TEAD1: variants seen among roughly 807,000 people sequenced by gnomAD.
TEAD1 encodes the protein TEA domain transcription factor 1.
A neutral mutation model predicts 54.9 loss-of-function variants in TEAD1; 9 were observed. The ratio of observed to expected loss-of-function variants is 0.16; its 90% CI spans 0.10 to 0.29. The LOEUF (loss-of-function observed/expected upper bound fraction) is 0.29, where lower values mean the gene tolerates loss of function less well. Ranked by LOEUF, TEAD1 falls within the 10% of genes least tolerant of loss-of-function variation. The probability of loss-of-function intolerance (pLI) is 1.00; values close to 1 mark genes in which losing one functional copy is unlikely to be tolerated. For missense variants in TEAD1, 387 were observed against 535.9 expected (o/e 0.72, Z 2.74); for synonymous variants, 200 against 187.8 (o/e 1.07, Z -0.53).
intron 3 of TEAD1, among the ~76,000 whole-genome samples, chr11:12,814,189 A>G (rs1299934776): frequency 6.6e-6 from 1 of 152,138 alleles, no homozygotes; most frequent in Non-Finnish European, 1.5e-5. Flanking sequence ...TCTCTCTGGA[A>G]GGAGGATGTC....
At chr11:12,683,724 A>C (rs1943273363) in intron 2 of TEAD1, among the ~76,000 whole-genome samples, 1 of 152,188 alleles carries the variant, frequency 6.6e-6, no homozygotes. Flanking sequence ...GTAATGGGCT[A>C]CTACAGATTT....
intron 10 of TEAD1, chr11:12,922,960 G>A (rs2955252): frequency 9.8e-5 from 14 of 142,542 alleles, no homozygotes; most frequent in East Asian, 8.2e-4. Context: ...GTGCCAAACC[G>A]CACAAAATAT....
intron 9 of TEAD1, among the ~76,000 whole-genome samples, chr11:12,898,491 T>C (rs1948358508): frequency 6.6e-6 from 1 of 151,094 alleles, no homozygotes; most frequent in South Asian, 2.1e-4. Context: ...GTCTCCTGGG[T>C]TCAAGCAATT....
At chr11:12,792,931 C>T (rs1030353316) in intron 3 of TEAD1, among the ~76,000 whole-genome samples, 3 of 152,152 alleles carry the variant, frequency 2.0e-5, no homozygotes, top group African/African-American at 7.2e-5. Context: ...TGGCTCATGA[C>T]TGTAGTCAGC....
chr11:12,835,355 TG>T (rs1186955527), intron 3 of TEAD1, among the ~76,000 whole-genome samples: 1 of 152,152 alleles, frequency 6.6e-6, no homozygotes, highest in Non-Finnish European at 1.5e-5. Context: ...GTTGGTTGGT[TG>T]GTTTGAGAAG....
intron 2 of TEAD1, among the ~76,000 whole-genome samples, chr11:12,727,885 T>C (rs944832304): frequency 1.3e-5 from 2 of 152,198 alleles, no homozygotes; most frequent in African/African-American, 4.8e-5. Context: ...CAACAAGGAA[T>C]ATCCATATCT....
intron 12 of TEAD1, among the ~76,000 whole-genome samples, chr11:12,935,040 G>T (rs1177946396): frequency 6.6e-6 from 1 of 152,132 alleles, no homozygotes; most frequent in African/African-American, 2.4e-5. Flanking sequence ...GGTACCAGGG[G>T]CTGGGGTGCT....
chr11:12,735,104 G>C (rs748001281), intron 2 of TEAD1, among the ~76,000 whole-genome samples: 5 of 152,308 alleles, frequency 3.3e-5, no homozygotes, highest in Middle Eastern at 3.4e-3. Flanking sequence ...ATCTGGGGCC[G>C]TCCAGAAAAG....
intron 3 of TEAD1, among the ~76,000 whole-genome samples, chr11:12,854,321 T>C (rs570113418): frequency 2.4e-4 from 36 of 152,318 alleles, no homozygotes; most frequent in Admixed American, 1.1e-3. Flanking sequence ...GAGGACCTGC[T>C]GTGTTCTCAG....
At chr11:12,693,495 A>G (rs994346800) in intron 2 of TEAD1, among the ~76,000 whole-genome samples, 5 of 152,188 alleles carry the variant, frequency 3.3e-5, no homozygotes, top group Non-Finnish European at 7.3e-5. Flanking sequence ...TGCTAAATCT[A>G]TTTTTACATC....
At chr11:12,910,349 C>T (rs527293056) in intron 10 of TEAD1, among the ~76,000 whole-genome samples, 1 of 152,244 alleles carries the variant, frequency 6.6e-6, no homozygotes, top group East Asian at 1.9e-4. Context: ...TATTTCCTGT[C>T]CTAATAATGT....
intron 3 of TEAD1, among the ~76,000 whole-genome samples, chr11:12,830,130 C>T (rs1590192316): frequency 6.6e-6 from 1 of 152,040 alleles, no homozygotes. Flanking sequence ...AGGAGCTTAG[C>T]CTTGCTAAGA....
intron 2 of TEAD1, among the ~76,000 whole-genome samples, chr11:12,709,401 T>C (rs752581753): frequency 1.3e-5 from 2 of 152,190 alleles, no homozygotes; most frequent in African/African-American, 4.8e-5. Flanking sequence ...TTGTTTCTTT[T>C]TTTGAATTTT....
rs1171939489 is a variant in TEAD1 at position 12,943,614 on chromosome 11, G to A, written c.*6392G>A. 1 of 152,036 alleles carries A rather than the reference G, an allele frequency of 6.6e-6. No homozygotes were observed. The highest frequency in any genetic ancestry group is 1.5e-5 in the Non-Finnish European group (1 of 68,010). The allele number at this position is 152,036 out of a possible 1,614,324, so 9.4% of individuals were successfully genotyped here. A position where few individuals can be genotyped will look rare whatever the true frequency, so the allele number is the denominator to read the frequency against. On this transcript the variant is annotated 3_prime_UTR_variant, in exon 13 of 13. Transcript: ENST00000527636. ...TTTCCTCTCGTTTATCATGAAATGG[G>A]GTCAGATTCCATCAGATTCCACCTC...
At chr11:12,762,467 T>C (rs1945121290) in intron 2 of TEAD1, among the ~76,000 whole-genome samples, 1 of 152,202 alleles carries the variant, frequency 6.6e-6, no homozygotes, top group African/African-American at 2.4e-5. Context: ...CAAAATGCTT[T>C]CTTGTGGCGT....
chr11:12,695,710 C>T (rs1943566348), intron 2 of TEAD1, among the ~76,000 whole-genome samples: 1 of 152,178 alleles, frequency 6.6e-6, no homozygotes, highest in African/African-American at 2.4e-5. Flanking sequence ...TTATGAAAAA[C>T]CCAGTGGCTT....
chr11:12,879,436 A>T (rs1214949300), intron 5 of TEAD1: 1 of 603,036 alleles, frequency 1.7e-6, no homozygotes, highest in Non-Finnish European at 3.0e-6. Context: ...TACGTTGTCC[A>T]CTCTTCTGAG....
intron 10 of TEAD1, chr11:12,922,667 A>G (rs1413786209): frequency 1.3e-5 from 2 of 152,136 alleles, no homozygotes; most frequent in Non-Finnish European, 2.9e-5. Context: ...GGTGCCTCAC[A>G]CCCGTAATCT....
In TEAD1 at chr11:12,811,102, C is replaced by G. The variant is rs940975733; in HGVS notation, c.202+46668C>G. On this transcript the variant is annotated intron_variant, in intron 3 of 12. Transcript: ENST00000527636. ...GACCGTGATTGATATAAGCCTAAAACAGCTATGTCCACGGCGATTGATTGA... is the reference window on the plus strand; with the variant it reads ...GACCGTGATTGATATAAGCCTAAAAGAGCTATGTCCACGGCGATTGATTGA... 2.0e-5 allele frequency among the ~76,000 whole-genome samples: 3 copies of G among 152,228 alleles called. No homozygotes were observed. In the East Asian group the frequency reaches 5.8e-4, roughly 29 times the overall value.
Sources: allele counts gnomAD v4.1 joint callset (sites outside exome capture counted in the v4.1 genomes callset), GRCh38; gene constraint gnomAD v4.1.1; transcripts MANE v1.5; gene names NCBI Gene and HGNC (gene_info 2026-07-23, HGNC 2026-07-21).